EEF2K: variants seen among roughly 807,000 people sequenced by gnomAD.
EEF2K encodes the protein eukaryotic elongation factor 2 kinase.
A neutral mutation model predicts 93.8 loss-of-function variants in EEF2K; 70 were observed. The ratio of observed to expected loss-of-function variants is 0.75; its 90% CI spans 0.62 to 0.91. The LOEUF (loss-of-function observed/expected upper bound fraction) is 0.91. EEF2K is among the 40% of genes least tolerant of loss of function. The pLI, the probability that EEF2K is intolerant of heterozygous loss-of-function variation, is 0.00. For synonymous variants in EEF2K, 376 were observed against 380.8 expected, an observed-to-expected ratio of 0.99 and a Z score of 0.15; for missense variants, 935 against 972.9, an observed-to-expected ratio of 0.96 and a Z score of 0.52.
At position 22,258,551 on chromosome 16, in the gene EEF2K, A is replaced by T; in HGVS notation, c.1087A>T (p.Arg363Trp). The T allele has an allele frequency of 6.2e-7, 1 of 1,614,104 alleles. No homozygotes were observed. Among genetic ancestry groups the T allele is most frequent in the Non-Finnish European group, 8.5e-7 (1 of 1,180,022 alleles). The change falls in exon 10 of 18, where the codon AGG (arginine) becomes TGG (tryptophan). Residue 363 changes from arginine (R) to tryptophan (W), a missense_variant. Coordinates refer to ENST00000263026, the MANE Select transcript of EEF2K (RefSeq NM_013302.5). ...GGAAAAATGTGGGAGCCCCCAAGTA[A>T]GGACCCTCTCTGGGAGCCGGCCACC... ...TEEKCGSPQV[R>W]TLSGSRPPLL...
chr16:22,248,703 A>G (rs1385224984), intron 3 of EEF2K, 52 bp from the exon 4 acceptor site: 1 of 1,607,938 alleles, frequency 6.2e-7, no homozygotes, highest in Non-Finnish European at 8.5e-7. Context: ...AGCCAGTGAG[A>G]AACAGGACCA....
chr16:22,225,512 A>G, intron 1 of EEF2K, 142 bp from the exon 2 acceptor site: 3 of 625,356 alleles, frequency 4.8e-6, no homozygotes, highest in South Asian at 2.2e-5. Flanking sequence ...GGTGCTGCCA[A>G]CTGCCTCCCC....
At chr16:22,260,838 A>C (rs977033108) in intron 11 of EEF2K, among the ~76,000 whole-genome samples, 1 of 152,284 alleles carries the variant, frequency 6.6e-6, no homozygotes, top group East Asian at 1.9e-4. Flanking sequence ...GTTTGACCCC[A>C]CATGTGTTGG....
intron 3 of EEF2K, among the ~76,000 whole-genome samples, chr16:22,247,167 G>A (rs544070598): frequency 2.0e-5 from 3 of 150,606 alleles, no homozygotes; most frequent in East Asian, 4.0e-4. Context: ...TAGGCCAGGC[G>A]CAGTGGCTAA....
intron 11 of EEF2K, among the ~76,000 whole-genome samples, chr16:22,261,566 T>A (rs2047462390): frequency 6.6e-6 from 1 of 151,734 alleles, no homozygotes; most frequent in Non-Finnish European, 1.5e-5. Flanking sequence ...GGCAGTTTCC[T>A]GTAATCCCAG....
chr16:22,267,986 C>T (rs1295793660), intron 15 of EEF2K, among the ~76,000 whole-genome samples: 4 of 152,074 alleles, frequency 2.6e-5, no homozygotes, highest in Non-Finnish European at 4.4e-5. Flanking sequence ...GCCAACGTTG[C>T]GCATGGACAG....
In EEF2K at chr16:22,284,170, C is replaced by G. The variant is rs2047729239; in HGVS notation, c.*174C>G. ...GAAAAATGTCTTTGCTCCTTGGCAG[C>G]TACCAGCAGAGACTCTATAGCTGTC... On this transcript the variant is annotated 3_prime_UTR_variant, in exon 18 of 18. Coordinates refer to ENST00000263026, the MANE Select transcript of EEF2K (RefSeq NM_013302.5). 4.6e-6 allele frequency: 3 copies of G among 648,108 alleles called. No homozygotes were observed. Among genetic ancestry groups the G allele is most frequent in the Non-Finnish European group, 8.0e-6 (3 of 375,144 alleles). 40.1% of individuals were successfully genotyped at this position (648,108 alleles called of 1,614,324 possible). A position where few individuals can be genotyped will look rare whatever the true frequency, so the allele number is the denominator to read the frequency against.
At chr16:22,258,025 C>T (rs980612982) in intron 9 of EEF2K, among the ~76,000 whole-genome samples, 2 of 152,164 alleles carry the variant, frequency 1.3e-5, no homozygotes, top group Non-Finnish European at 2.9e-5. Context: ...GTGAGGGGAA[C>T]AGGCACGTGG....
intron 6 of EEF2K, among the ~76,000 whole-genome samples, chr16:22,255,727 A>G (rs1213538405): frequency 6.6e-6 from 1 of 152,062 alleles, no homozygotes; most frequent in East Asian, 2.0e-4. Flanking sequence ...TAGGCAACAT[A>G]GTGAGACCTC....
chr16:22,206,407 C>G lies in EEF2K; in HGVS notation c.-349C>G, dbSNP rs1449439027. 1 of 152,822 alleles carries G rather than the reference C, an allele frequency of 6.5e-6. No individual in the cohort carries two copies. The highest frequency in any genetic ancestry group is 1.5e-5 in the Non-Finnish European group (1 of 68,554). The allele number at this position is 152,822 out of a possible 1,614,324, so 9.5% of individuals were successfully genotyped here. On this transcript the variant is annotated 5_prime_UTR_variant, in exon 1 of 18. Coordinates refer to ENST00000263026, the MANE Select transcript of EEF2K (RefSeq NM_013302.5). ...CTGCACGCGAGTCCCCCCTGGCACG[C>G]GCTCCCACATCCCGGGATCGTCCCA...
chr16:22,281,538 G>A (rs1681828574), intron 17 of EEF2K, among the ~76,000 whole-genome samples: 2 of 152,160 alleles, frequency 1.3e-5, no homozygotes, highest in Admixed American at 1.3e-4. Flanking sequence ...ACTGCACCTG[G>A]TCCTAGTGGG....
intron 16 of EEF2K, among the ~76,000 whole-genome samples, chr16:22,276,977 A>C (rs2047643544): frequency 6.6e-6 from 1 of 152,138 alleles, no homozygotes; most frequent in Non-Finnish European, 1.5e-5. Flanking sequence ...AGGGAGAAGA[A>C]TCACTTAAAC....
chr16:22,229,629 A>G (rs1373604036), intron 2 of EEF2K, among the ~76,000 whole-genome samples: 1 of 152,176 alleles, frequency 6.6e-6, no homozygotes, highest in Non-Finnish European at 1.5e-5. Context: ...TGAACCCAGG[A>G]GGCGGAGGTT....
In EEF2K at chr16:22,283,910, G is replaced by A. The variant is rs1279447294; in HGVS notation, c.2092G>A (p.Glu698Lys). 6.3e-7 allele frequency: 1 copy of A among 1,599,318 alleles called. No homozygotes were observed. The highest frequency in any genetic ancestry group is 1.1e-5 in the South Asian group (1 of 88,174). The change falls in exon 18 of 18, where the codon GAG (glutamate) becomes AAG (lysine). Residue 698 changes from glutamate (E) to lysine (K), a missense_variant. Glu to Lys is a moderately conservative substitution (Grantham distance 56). Coordinates refer to ENST00000263026, the MANE Select transcript of EEF2K (RefSeq NM_013302.5). ...RSGDLYTQAA[E>K]AAMEAMKGRL... The stretch of plus-strand genomic sequence containing the variant: ...AGGGGACTTGTATACCCAGGCAGCA[G>A]AGGCAGCGATGGAAGCCATGAAGGG...
At chr16:22,216,272 C>T (rs895684817) in intron 1 of EEF2K, among the ~76,000 whole-genome samples, 1 of 152,224 alleles carries the variant, frequency 6.6e-6, no homozygotes. Context: ...TGTAGTTCCG[C>T]TCCCTTAAGG....
chr16:22,278,187 A>G lies in EEF2K; in HGVS notation c.1890-2011A>G, dbSNP rs188579019. 7.5e-4 allele frequency among the ~76,000 whole-genome samples: 114 copies of G among 152,264 alleles called. No individual in the cohort carries two copies. The Middle Eastern group carries it at 0.014, about 18-fold the overall frequency. ...GTGCCACTGCACTCCTGCCTGGGCA[A>G]CAGAGTGAAACGCTATCTCAAGAAA... On this transcript the variant is annotated intron_variant, in intron 16 of 17. Transcript: ENST00000263026.
intron 2 of EEF2K, among the ~76,000 whole-genome samples, chr16:22,227,139 C>T (rs986048027): frequency 4.6e-5 from 7 of 152,230 alleles, no homozygotes; most frequent in East Asian, 1.9e-4. Context: ...GTGGAAGTTG[C>T]GGTGAACTGA....
intron 2 of EEF2K, among the ~76,000 whole-genome samples, chr16:22,226,343 T>A (rs890135060): frequency 1.3e-5 from 2 of 148,648 alleles, no homozygotes; most frequent in African/African-American, 4.9e-5. Flanking sequence ...TTTTTTTTTT[T>A]TTTTTTTAAA....
chr16:22,262,527 G>A (rs986135952), intron 11 of EEF2K, among the ~76,000 whole-genome samples: 1 of 152,052 alleles, frequency 6.6e-6, no homozygotes, highest in Non-Finnish European at 1.5e-5. Flanking sequence ...AAATAAAAAT[G>A]TGTGGTTTTG....
Sources: allele counts gnomAD v4.1 joint callset (sites outside exome capture counted in the v4.1 genomes callset), GRCh38; gene constraint gnomAD v4.1.1; transcripts MANE v1.5; gene names NCBI Gene and HGNC (gene_info 2026-07-23, HGNC 2026-07-21).